DSCAM: variants seen among roughly 807,000 people sequenced by gnomAD.
DSCAM encodes the protein DS cell adhesion molecule, also known as cell adhesion molecule DSCAM.
In DSCAM, 47 loss-of-function variants were observed where a neutral mutation model predicts 217.7. The observed-to-expected ratio is 0.22, with a 90% CI of 0.17 to 0.28. The LOEUF is 0.28. DSCAM is among the 10% of genes least tolerant of loss of function. The pLI, the probability that DSCAM is intolerant of heterozygous loss-of-function variation, is 1.00. For missense variants in DSCAM, 2,080 were observed against 2,618.3 expected (o/e 0.79, Z 4.49); for synonymous variants, 1,056 against 1,015.3 (o/e 1.04, Z -0.76).
intron 1 of DSCAM, among the ~76,000 whole-genome samples, chr21:40,796,648 C>T (rs1427574185): frequency 6.6e-6 from 1 of 152,128 alleles, no homozygotes; most frequent in African/African-American, 2.4e-5. Context: ...AAGTATGGTC[C>T]ATGGACCAGA....
chr21:40,532,868 C>CTG (rs58575678), intron 3 of DSCAM, among the ~76,000 whole-genome samples: 4,325 of 145,948 alleles, frequency 0.03, 84 homozygotes, highest in Non-Finnish European at 0.046. Flanking sequence ...CCACAAGGCT[C>CTG]TGTGTGTGTG....
At chr21:40,253,450 A>T (rs945728421) in intron 11 of DSCAM, among the ~76,000 whole-genome samples, 1 of 151,980 alleles carries the variant, frequency 6.6e-6, no homozygotes, top group Non-Finnish European at 1.5e-5. Flanking sequence ...CTCACAACAG[A>T]CCCTTTCTAC....
At chr21:40,434,995 G>A (rs1334110539) in intron 3 of DSCAM, among the ~76,000 whole-genome samples, 2 of 152,172 alleles carry the variant, frequency 1.3e-5, no homozygotes, top group African/African-American at 2.4e-5. Context: ...ATCCTATCCT[G>A]AAAGACCTAC....
At chr21:40,522,884 G>A (rs2076370212) in intron 3 of DSCAM, among the ~76,000 whole-genome samples, 1 of 152,122 alleles carries the variant, frequency 6.6e-6, no homozygotes, top group Non-Finnish European at 1.5e-5. Context: ...GTCACATGCG[G>A]TAGGAATCAA....
chr21:40,188,802 T>TA (rs2090923494), intron 12 of DSCAM, among the ~76,000 whole-genome samples: 1 of 148,034 alleles, frequency 6.8e-6, no homozygotes, highest in Non-Finnish European at 1.5e-5. Flanking sequence ...TTTTTTTTTT[T>TA]ACTACATTTG....
intron 1 of DSCAM, among the ~76,000 whole-genome samples, chr21:40,736,419 T>C (rs1290136849): frequency 1.3e-5 from 2 of 152,206 alleles, no homozygotes; most frequent in African/African-American, 4.8e-5. Flanking sequence ...ATTAGTTTGC[T>C]AGGGCTGTAA....
intron 32 of DSCAM, among the ~76,000 whole-genome samples, chr21:40,041,875 G>A (rs1217413079): frequency 6.6e-6 from 1 of 152,150 alleles, no homozygotes; most frequent in African/African-American, 2.4e-5. Context: ...AGCAGTGGGG[G>A]CCTCTTTCTC....
chr21:40,093,918 T>C, intron 20 of DSCAM, 44 bp from the exon 21 acceptor site: 1 of 1,585,284 alleles, frequency 6.3e-7, no homozygotes, highest in South Asian at 1.1e-5. Flanking sequence ...AAGAAGCATG[T>C]GGCAAAAATG....
chr21:40,420,745 C>A (rs1438177259), intron 3 of DSCAM, among the ~76,000 whole-genome samples: 5 of 152,146 alleles, frequency 3.3e-5, no homozygotes, highest in Non-Finnish European at 7.3e-5. Flanking sequence ...TACAAGAATG[C>A]CATGTGACCC....
intron 1 of DSCAM, among the ~76,000 whole-genome samples, chr21:40,814,764 A>G (rs1280557972): frequency 6.6e-6 from 1 of 152,232 alleles, no homozygotes; most frequent in Non-Finnish European, 1.5e-5. Flanking sequence ...GGGACCAACC[A>G]CAAGAGGCAA....
intron 6 of DSCAM, among the ~76,000 whole-genome samples, chr21:40,347,247 G>A (rs1276553807): frequency 6.7e-6 from 1 of 148,596 alleles, no homozygotes; most frequent in Non-Finnish European, 1.5e-5. Flanking sequence ...GTGATGAGCT[G>A]AGACTGTGCC....
At chr21:40,312,712 G>C (rs1329316960) in intron 8 of DSCAM, among the ~76,000 whole-genome samples, 1 of 152,186 alleles carries the variant, frequency 6.6e-6, no homozygotes, top group African/African-American at 2.4e-5. Context: ...GTATACAAGA[G>C]GAGGTTTCTT....
Position 40,078,780 on chromosome 21 carries a change from C to T in DSCAM, c.4618G>A (p.Glu1540Lys), listed in dbSNP as rs772072144. The change falls in exon 26 of 33, where the codon GAA (glutamate) becomes AAA (lysine). Residue 1540 changes from glutamate (E) to lysine (K), a missense_variant. Physicochemically the swap from Glu to Lys is moderately conservative, Grantham distance 56 (BLOSUM62 1). Coordinates refer to ENST00000400454, the MANE Select transcript of DSCAM (RefSeq NM_001389.5). ...ATCTGCAGCTCATACCAGGTGGCTTCCTGCAGGTCATACAGGATGTAGGAC... is the reference window on the plus strand; with the variant it reads ...ATCTGCAGCTCATACCAGGTGGCTTTCTGCAGGTCATACAGGATGTAGGAC... ...SKSYILYDLQ[E>K]ATWYELQMRV... The T allele has an allele frequency of 2.2e-5, 35 of 1,614,130 alleles. No individual in the cohort carries two copies. The highest frequency in any genetic ancestry group is 2.7e-5 in the Non-Finnish European group (32 of 1,180,056).
intron 1 of DSCAM, among the ~76,000 whole-genome samples, chr21:40,716,993 G>A (rs997511238): frequency 2.6e-5 from 4 of 152,194 alleles, no homozygotes; most frequent in African/African-American, 9.7e-5. Context: ...CTTTCCAGAG[G>A]AGGAAAGAAA....
At chr21:40,306,511 G>C (rs1601535747) in intron 9 of DSCAM, among the ~76,000 whole-genome samples, 1 of 146,326 alleles carries the variant, frequency 6.8e-6, no homozygotes, top group Non-Finnish European at 1.5e-5. Flanking sequence ...GGGCATCCCT[G>C]TCTTGTGCCA....
At chr21:40,023,421 C>G (rs2088313553) in intron 32 of DSCAM, among the ~76,000 whole-genome samples, 1 of 151,652 alleles carries the variant, frequency 6.6e-6, no homozygotes, top group Non-Finnish European at 1.5e-5. Context: ...ATTTCTAGTT[C>G]TAGGTCCCTG....
At chr21:40,682,666 G>A (rs569911079) in intron 3 of DSCAM, among the ~76,000 whole-genome samples, 349 of 13,472 alleles carry the variant, frequency 0.026, 51 homozygotes, top group East Asian at 0.074. Flanking sequence ...AGGGAGCGGA[G>A]GGGGAGGGGA....
chr21:40,825,317 T>TTCCTTCCTTC (rs1569055732), intron 1 of DSCAM, among the ~76,000 whole-genome samples: 1 of 131,066 alleles, frequency 7.6e-6, no homozygotes, highest in Admixed American at 7.9e-5. Context: ...TTCCTTCCTT[T>TTCCTTCCTTC]TTTTCTTCCT....
intron 3 of DSCAM, among the ~76,000 whole-genome samples, chr21:40,561,884 C>T (rs1322361766): frequency 2.0e-5 from 3 of 152,134 alleles, no homozygotes; most frequent in Admixed American, 6.6e-5. Flanking sequence ...TTTGTATACA[C>T]TCCAATTTTT....
Sources: gnomAD v4.1 joint callset for allele counts (sites outside exome capture counted in the v4.1 genomes callset) on GRCh38, gnomAD v4.1.1 for gene constraint, MANE v1.5 for transcripts, NCBI Gene and HGNC (gene_info 2026-07-23, HGNC 2026-07-21) for gene names.